The following DENND5A variants were observed in gnomAD, a reference collection of about 807,000 sequenced individuals.
The protein encoded by DENND5A is DENN domain containing 5A, also known as DENN domain-containing protein 5A.
A neutral mutation model predicts 140.3 loss-of-function variants in DENND5A; 64 were observed. The observed-to-expected ratio is 0.46, with a 90% CI of 0.37 to 0.56. DENND5A has a LOEUF of 0.56. Among genes scored for constraint, DENND5A ranks in the 20% least tolerant of loss-of-function variants. DENND5A has a pLI of 0.00. For synonymous variants in DENND5A, 605 were observed against 607.7 expected, an observed-to-expected ratio of 1.00 and a Z score of 0.07; for missense variants, 1,292 against 1,593.8, an observed-to-expected ratio of 0.81 and a Z score of 3.22.
intron 12 of DENND5A, among the ~76,000 whole-genome samples, chr11:9,153,231 C>T (rs1319567699): frequency 7.6e-6 from 1 of 131,428 alleles, no homozygotes; most frequent in Non-Finnish European, 1.6e-5. Flanking sequence ...GCAAGAGGAT[C>T]ACTCGAACCG....
chr11:9,243,297 G>A (rs535245366), intron 1 of DENND5A, among the ~76,000 whole-genome samples: 5 of 152,030 alleles, frequency 3.3e-5, no homozygotes, highest in Non-Finnish European at 7.4e-5. Flanking sequence ...AATTCAAAAT[G>A]TACTACTTTT....
At position 9,238,227 on chromosome 11, in the gene DENND5A, C is replaced by G. The variant is rs1851084139; in HGVS notation, c.109+26734G>C. 2.0e-5 allele frequency among the ~76,000 whole-genome samples: 3 copies of G among 151,984 alleles called. 1 individual carries two copies. The South Asian group carries it at 6.2e-4, about 32-fold the overall frequency. Reference sequence around the variant, plus strand: ...TCAAGAAATATTCATGATAGAACATCAAGTGAAAAAAGTCAAAACAAAATT... The same window carrying G: ...TCAAGAAATATTCATGATAGAACATGAAGTGAAAAAAGTCAAAACAAAATT... On this transcript the variant is annotated intron_variant, in intron 1 of 22. Transcript: ENST00000328194.
intron 11 of DENND5A, among the ~76,000 whole-genome samples, chr11:9,162,330 C>T (rs1417532442): frequency 6.6e-6 from 1 of 150,700 alleles, no homozygotes; most frequent in Non-Finnish European, 1.5e-5. Flanking sequence ...CCTCCGCCTC[C>T]CCGGTTCAAG....
intron 1 of DENND5A, among the ~76,000 whole-genome samples, chr11:9,217,818 A>G (rs1015417759): frequency 6.6e-6 from 1 of 152,236 alleles, no homozygotes; most frequent in Non-Finnish European, 1.5e-5. Context: ...CTAGTAAAAT[A>G]CAGTCTCCTA....
intron 12 of DENND5A, among the ~76,000 whole-genome samples, chr11:9,158,831 C>T (rs1436705957): frequency 6.6e-6 from 1 of 152,026 alleles, no homozygotes; most frequent in Non-Finnish European, 1.5e-5. Context: ...TTTAAAAAAC[C>T]ACTTCATTGA....
At chr11:9,201,377 TA>T (rs35169343) in intron 4 of DENND5A, among the ~76,000 whole-genome samples, 235 of 131,734 alleles carry the variant, frequency 1.8e-3, no homozygotes, top group Admixed American at 2.1e-3. Flanking sequence ...TCTATTTCTT[TA>T]AAAAAAAAAA....
chr11:9,156,632 A>G (rs551779267), intron 12 of DENND5A, among the ~76,000 whole-genome samples: 1 of 151,988 alleles, frequency 6.6e-6, no homozygotes, highest in East Asian at 1.9e-4. Context: ...GTCTCAAAAA[A>G]AAAAAAAAAA....
intron 12 of DENND5A, among the ~76,000 whole-genome samples, chr11:9,154,306 T>C (rs888196583): frequency 2.0e-5 from 3 of 151,948 alleles, no homozygotes; most frequent in Admixed American, 6.6e-5. Flanking sequence ...GTAAGCAGAG[T>C]GTTGGGATTC....
chr11:9,255,510 T>G (rs989315815), intron 1 of DENND5A, among the ~76,000 whole-genome samples: 2 of 151,976 alleles, frequency 1.3e-5, no homozygotes, highest in African/African-American at 4.8e-5. Flanking sequence ...GGCAGGTGAA[T>G]GACCTGAGGT....
At chr11:9,155,610 C>A (rs975935585) in intron 12 of DENND5A, among the ~76,000 whole-genome samples, 10 of 152,202 alleles carry the variant, frequency 6.6e-5, no homozygotes, top group Admixed American at 2.6e-4. Flanking sequence ...TTCAATACAG[C>A]CTGACTATCC....
intron 1 of DENND5A, among the ~76,000 whole-genome samples, chr11:9,257,894 G>C (rs1852020126): frequency 6.6e-6 from 1 of 151,634 alleles, no homozygotes. Flanking sequence ...CCAGATTCAA[G>C]CGATTCTCTC....
At chr11:9,254,368 T>G (rs931951380) in intron 1 of DENND5A, among the ~76,000 whole-genome samples, 1 of 152,004 alleles carries the variant, frequency 6.6e-6, no homozygotes, top group South Asian at 2.1e-4. Context: ...ATACAGAAAT[T>G]TAGCTTGTAT....
Position 9,239,984 on chromosome 11 carries a change from T to C in DENND5A, c.109+24977A>G, listed in dbSNP as rs568403040. On this transcript the variant is annotated intron_variant, in intron 1 of 22. Coordinates refer to ENST00000328194, the MANE Select transcript of DENND5A (RefSeq NM_015213.4). The stretch of plus-strand genomic sequence containing the variant: ...TGAATAAATCATAGAGATTATGTTT[T>C]TGTTCAGGGTCACACCCAGAGCTAC... Among the ~76,000 whole-genome samples, 31 of 152,342 alleles carry C rather than the reference T, an allele frequency of 2.0e-4. No homozygotes were observed. The Middle Eastern group carries it at 0.01, about 50-fold the overall frequency.
chr11:9,185,253 C>T (rs1413616101), intron 5 of DENND5A, among the ~76,000 whole-genome samples: 1 of 152,076 alleles, frequency 6.6e-6, no homozygotes, highest in Admixed American at 6.6e-5. Context: ...CTTTTTATAA[C>T]TTGTTTACAA....
At chr11:9,237,044 C>T (rs1376786914) in intron 1 of DENND5A, among the ~76,000 whole-genome samples, 1 of 152,078 alleles carries the variant, frequency 6.6e-6, no homozygotes, top group Non-Finnish European at 1.5e-5. Flanking sequence ...AAGGCCTGAA[C>T]AGACAATTCA....
At chr11:9,163,569 C>T (rs11042204) in intron 11 of DENND5A, among the ~76,000 whole-genome samples, 7,814 of 151,840 alleles carry the variant, frequency 0.051, 669 homozygotes, top group African/African-American at 0.18. Context: ...CTTTGGAGGC[C>T]GAGGCAGACA....
At chr11:9,212,695 C>A (rs1307780852) in intron 1 of DENND5A, among the ~76,000 whole-genome samples, 1 of 151,804 alleles carries the variant, frequency 6.6e-6, no homozygotes, top group Non-Finnish European at 1.5e-5. Context: ...GAAAAAATAT[C>A]CTTCAAAAAT....
At chr11:9,140,137 A>G (rs978755394) in intron 22 of DENND5A, 23 of 1,436,086 alleles carry the variant, frequency 1.6e-5, no homozygotes, top group Non-Finnish European at 2.1e-5. Flanking sequence ...TGTCTCCCAG[A>G]GCTTCTCTCC....
intron 11 of DENND5A, among the ~76,000 whole-genome samples, chr11:9,164,054 A>G (rs1848087598): frequency 2.5e-5 from 2 of 78,794 alleles, no homozygotes; most frequent in African/African-American, 9.0e-5. Flanking sequence ...TATATTAATC[A>G]GGTTTTTTTT....
Sources: allele counts gnomAD v4.1 joint callset (sites outside exome capture counted in the v4.1 genomes callset), GRCh38; gene constraint gnomAD v4.1.1; transcripts MANE v1.5; gene names NCBI Gene and HGNC (gene_info 2026-07-23, HGNC 2026-07-21).